The following GRIA2 variants were observed in gnomAD, a reference collection of about 807,000 sequenced individuals.
GRIA2 encodes glutamate receptor 2.
GRIA2 carries 14 observed loss-of-function variants against 97.3 expected under a neutral mutation model. The ratio of observed to expected loss-of-function variants is 0.14; its 90% CI spans 0.10 to 0.23. GRIA2 has a LOEUF of 0.23. Among genes scored for constraint, GRIA2 ranks in the 10% least tolerant of loss-of-function variants. The probability of loss-of-function intolerance (pLI) is 1.00; values close to 1 mark genes in which losing one functional copy is unlikely to be tolerated. For synonymous variants in GRIA2, 412 were observed against 387.8 expected, an observed-to-expected ratio of 1.06 and a Z score of -0.73; for missense variants, 558 against 1,069.8, an observed-to-expected ratio of 0.52 and a Z score of 6.67.
chr4:157,277,901 T>TATATGTATATATATAC (rs1491389699), intron 2 of GRIA2, among the ~76,000 whole-genome samples: 22 of 145,194 alleles, frequency 1.5e-4, no homozygotes, highest in African/African-American at 5.5e-4. Context: ...TATATATATA[T>TATATGTATATATATAC]GTATATATGT....
chr4:157,278,098 T>TG (rs1364068658), intron 2 of GRIA2, among the ~76,000 whole-genome samples: 1 of 151,492 alleles, frequency 6.6e-6, no homozygotes, highest in Non-Finnish European at 1.5e-5. Context: ...CCAGTTATTG[T>TG]GTAGGTATTA....
Position 157,338,614 on chromosome 4 carries a change from T to C in GRIA2, c.1844+1867T>C, listed in dbSNP as rs113774790. ...TGCTTTTGATTTCATTCATGAGTCA[T>C]GACACTACAATTTCACATGTAGTAA... On this transcript the variant is annotated intron_variant, in intron 11 of 15. Transcript: ENST00000264426. Among the ~76,000 whole-genome samples the C allele has an allele frequency of 2.3e-3, 353 of 152,226 alleles. 1 individual carries two copies. Among genetic ancestry groups the C allele is most frequent in the African/African-American group, 8.0e-3 (334 of 41,564 alleles).
rs779267556 is a variant in GRIA2, at chr4:157,312,682, T to C, written c.473T>C (p.Leu158Ser). ...FAYLYDSDRG[L>S]STLQAVLDSA... The stretch of plus-strand genomic sequence containing the variant: ...TCATTTTTCTTTGCCTTCCTAGGCT[T>C]ATCAACACTGCAAGCTGTGCTGGAT... The change falls in exon 4 of 16, where the codon TTA becomes TCA. Residue 158 changes from leucine (L) to serine (S), a missense_variant. By Grantham distance (145) the Leu-to-Ser change is moderately radical. Around this residue, in one of 8 missense-constraint regions of GRIA2, gnomAD observed 173 missense variants for 209.1 expected, o/e 0.83. Transcript: ENST00000264426. The C allele has an allele frequency of 1.3e-6, 2 of 1,584,420 alleles. No individual in the cohort carries two copies. The highest frequency in any genetic ancestry group is 1.7e-6 in the Non-Finnish European group (2 of 1,162,762).
chr4:157,315,725 G>A (rs1734288161), intron 4 of GRIA2, among the ~76,000 whole-genome samples: 2 of 151,986 alleles, frequency 1.3e-5, no homozygotes, highest in Non-Finnish European at 2.9e-5. Context: ...ATTTTTAGTA[G>A]AGACCGGGTA....
Position 157,361,701 on chromosome 4 carries a change from G to A in GRIA2, c.2406+577G>A. 5 of 1,317,966 alleles carry A rather than the reference G, an allele frequency of 3.8e-6. No homozygotes were observed. The highest frequency in any genetic ancestry group is 4.4e-6 in the Non-Finnish European group (4 of 913,620). The allele number at this position is 1,317,966 out of a possible 1,614,324, so 81.6% of individuals were successfully genotyped here. ...GAAAAAACAAAATCAAACACAAACA[G>A]CAAAATCAAACCACAAGTGTGTTAG... On this transcript the variant is annotated intron_variant, in intron 14 of 15. Transcript: ENST00000264426. This position sits in a 1 kb window ranked among gnomAD's most constrained non-coding sequence, Gnocchi z 5.2.
intron 6 of GRIA2, among the ~76,000 whole-genome samples, chr4:157,328,152 C>G: frequency 6.6e-6 from 1 of 151,938 alleles, no homozygotes; most frequent in East Asian, 1.9e-4. Flanking sequence ...GTATATCACA[C>G]CATTAAAAAT....
chr4:157,365,013 G>A lies in GRIA2; in HGVS notation c.*1582G>A, dbSNP rs1225963741. 1 of 151,326 alleles carries A rather than the reference G, an allele frequency of 6.6e-6. No individual in the cohort carries two copies. The highest frequency in any genetic ancestry group is 2.4e-5 in the African/African-American group (1 of 41,328). The allele number at this position is 151,326 out of a possible 1,614,324, so 9.4% of individuals were successfully genotyped here. A position where few individuals can be genotyped will look rare whatever the true frequency, so the allele number is the denominator to read the frequency against. On this transcript the variant is annotated 3_prime_UTR_variant, in exon 16 of 16. Transcript: ENST00000264426. ...AGCCCCCCAAGTTTAATTAATTTAGGATTTTGAATGATTATTGACATCCAA... is the reference window on the plus strand; with the variant it reads ...AGCCCCCCAAGTTTAATTAATTTAGAATTTTGAATGATTATTGACATCCAA...
rs1554006746 is a variant in GRIA2 at position 157,248,568 on chromosome 4, T to TGTGTATATATATACAC, written c.229+26775_229+26776insACGTGTATATATATAC. ...GTGTGTGTGTGTATATATATATACG[T>TGTGTATATATATACAC]GTGTATATATATACGTGTATATATG... On this transcript the variant is annotated intron_variant, in intron 2 of 15. Transcript: ENST00000264426. Among the ~76,000 whole-genome samples the TGTGTATATATATACAC allele has an allele frequency of 7.5e-4, 8 of 10,612 alleles. 2 individuals carry two copies. The highest frequency in any genetic ancestry group is 4.1e-3 in the African/African-American group (8 of 1,930). The allele number at this position is 10,612 out of a possible 152,430, so 7.0% of individuals were successfully genotyped here. A position where few individuals can be genotyped will look rare whatever the true frequency, so the allele number is the denominator to read the frequency against.
intron 12 of GRIA2, among the ~76,000 whole-genome samples, chr4:157,348,818 AT>A (rs1353445075): frequency 6.6e-6 from 1 of 152,218 alleles, no homozygotes; most frequent in Non-Finnish European, 1.5e-5. Flanking sequence ...GCTTATATGA[AT>A]TATATGCTTT....
At chr4:157,318,544 C>A (rs1170300871) in intron 5 of GRIA2, among the ~76,000 whole-genome samples, 1 of 152,010 alleles carries the variant, frequency 6.6e-6, no homozygotes, top group African/African-American at 2.4e-5. Context: ...CAGAATAAAC[C>A]TTTTACAATT....
intron 2 of GRIA2, among the ~76,000 whole-genome samples, chr4:157,274,900 G>A (rs1465616346): frequency 6.6e-6 from 1 of 151,078 alleles, no homozygotes; most frequent in African/African-American, 2.4e-5. Context: ...GGATGGCTGG[G>A]TCAAATGGTA....
chr4:157,248,780 CTATATA>C (rs36210142), intron 2 of GRIA2, among the ~76,000 whole-genome samples: 13,282 of 121,830 alleles, frequency 0.11, 892 homozygotes, highest in African/African-American at 0.2. Context: ...CTTTCTTTCA[CTATATA>C]TATATATATA....
chr4:157,311,967 A>G (rs914419517), intron 3 of GRIA2, among the ~76,000 whole-genome samples: 1 of 152,116 alleles, frequency 6.6e-6, no homozygotes, highest in African/African-American at 2.4e-5. Flanking sequence ...ATATGATGCT[A>G]TAAGCAAAGT....
intron 2 of GRIA2, among the ~76,000 whole-genome samples, chr4:157,242,259 T>C (rs1008303796): frequency 3.1e-4 from 47 of 152,074 alleles, no homozygotes; most frequent in Non-Finnish European, 7.4e-5. Flanking sequence ...ACACTAGTAA[T>C]GAACAGATAG....
At chr4:157,244,728 C>A (rs1357848240) in intron 2 of GRIA2, among the ~76,000 whole-genome samples, 1 of 151,862 alleles carries the variant, frequency 6.6e-6, no homozygotes, top group East Asian at 1.9e-4. Context: ...ATTTTCTGAA[C>A]AATAATCTGT....
At chr4:157,221,438 A>G in intron 1 of GRIA2, 2 of 580,328 alleles carry the variant, frequency 3.4e-6, no homozygotes, top group Non-Finnish European at 6.1e-6. Context: ...GATTACATGG[A>G]AAGGTGAAGG....
intron 2 of GRIA2, among the ~76,000 whole-genome samples, chr4:157,233,269 A>G (rs563230381): frequency 2.0e-5 from 3 of 152,258 alleles, no homozygotes; most frequent in African/African-American, 7.2e-5. Flanking sequence ...CTGAGGTGTT[A>G]CTCGAGTAGT....
chr4:157,258,750 G>A (rs569497771), intron 2 of GRIA2, among the ~76,000 whole-genome samples: 49 of 151,918 alleles, frequency 3.2e-4, no homozygotes, highest in South Asian at 1.2e-3. Flanking sequence ...ATGTCTCCCC[G>A]AACACCCAGC....
Position 157,341,332 on chromosome 4 carries a change from C to T in GRIA2, c.1913C>T (p.Thr638Met), listed in dbSNP as rs1438633108. ...FFTLIIISSY[T>M]ANLAAFLTVE... ...ACCCTGATCATAATCTCCTCCTACA[C>T]GGCTAACTTAGCTGCCTTCCTGACT... The change falls in exon 12 of 16, where the codon ACG (threonine) becomes ATG (methionine). Residue 638 changes from threonine to methionine, a missense_variant. Physicochemically the swap from Thr to Met is moderately conservative, Grantham distance 81. Transcript: ENST00000264426. 1 of 1,612,382 alleles carries T rather than the reference C, an allele frequency of 6.2e-7. No individual in the cohort carries two copies. Among genetic ancestry groups the T allele is most frequent in the East Asian group, 2.2e-5 (1 of 44,824 alleles).
Sources: allele counts gnomAD v4.1 joint callset (sites outside exome capture counted in the v4.1 genomes callset), GRCh38; gene constraint gnomAD v4.1.1; regional missense constraint gnomAD v4.1.1; non-coding constraint Gnocchi (gnomAD v3.1); transcripts MANE v1.5; gene names NCBI Gene and HGNC (gene_info 2026-07-23, HGNC 2026-07-21).